SPAG16: variants seen among roughly 807,000 people sequenced by gnomAD.
SPAG16 encodes the protein sperm associated antigen 16, also known as sperm-associated antigen 16 protein.
SPAG16 carries 86 observed loss-of-function variants against 80.4 expected under a neutral mutation model. That is an observed-to-expected ratio of 1.07 (90% CI 0.90 to 1.28). The LOEUF is 1.28. Among genes scored for constraint, SPAG16 ranks in the 50% most tolerant of loss-of-function variants. SPAG16 has a pLI of 0.00. For synonymous variants in SPAG16, 294 were observed against 265.9 expected, an observed-to-expected ratio of 1.11 and a Z score of -1.03; for missense variants, 870 against 765.3, an observed-to-expected ratio of 1.14 and a Z score of -1.61.
chr2:213,503,926 G>A (rs2074856998), intron 10 of SPAG16, among the ~76,000 whole-genome samples: 1 of 152,166 alleles, frequency 6.6e-6, no homozygotes, highest in African/African-American at 2.4e-5. Flanking sequence ...TAGTGAACTA[G>A]TACTCTAAAA....
chr2:213,439,283 G>C (rs1575591910), intron 9 of SPAG16, among the ~76,000 whole-genome samples: 2 of 145,240 alleles, frequency 1.4e-5, no homozygotes, highest in Non-Finnish European at 3.0e-5. Flanking sequence ...ATCTTAAAAA[G>C]GGGAGCGGCT....
At chr2:214,148,141 C>T (rs1415948541) in intron 14 of SPAG16, among the ~76,000 whole-genome samples, 1 of 152,132 alleles carries the variant, frequency 6.6e-6, no homozygotes, top group Non-Finnish European at 1.5e-5. Flanking sequence ...GTGGCCAATA[C>T]TCATTCAATT....
intron 12 of SPAG16, among the ~76,000 whole-genome samples, chr2:213,977,850 G>A (rs2106403473): frequency 6.6e-6 from 1 of 151,976 alleles, no homozygotes; most frequent in African/African-American, 2.4e-5. Context: ...GATCTTCTGT[G>A]GATCTTGTTA....
intron 7 of SPAG16, among the ~76,000 whole-genome samples, chr2:213,358,955 C>T (rs1020629431): frequency 2.6e-5 from 4 of 152,064 alleles, no homozygotes; most frequent in African/African-American, 9.7e-5. Context: ...TGTGGGTGTC[C>T]TTTTTTTGAA....
intron 10 of SPAG16, among the ~76,000 whole-genome samples, chr2:213,652,277 A>G (rs1236572437): frequency 6.6e-6 from 1 of 152,096 alleles, no homozygotes; most frequent in Non-Finnish European, 1.5e-5. Flanking sequence ...CATATGGTAT[A>G]TACTAGGGGA....
chr2:213,653,162 C>A (rs1223339626), intron 10 of SPAG16, among the ~76,000 whole-genome samples: 1 of 152,146 alleles, frequency 6.6e-6, no homozygotes, highest in African/African-American at 2.4e-5. Context: ...AAACACCATT[C>A]TAAATTTCTG....
At chr2:214,388,003 A>G (rs1318769936) in intron 15 of SPAG16, among the ~76,000 whole-genome samples, 1 of 152,114 alleles carries the variant, frequency 6.6e-6, no homozygotes, top group African/African-American at 2.4e-5. Context: ...AATACCTACT[A>G]TTGCTATATT....
chr2:213,966,682 A>G (rs1047930487), intron 12 of SPAG16, among the ~76,000 whole-genome samples: 1 of 152,206 alleles, frequency 6.6e-6, no homozygotes, highest in African/African-American at 2.4e-5. Flanking sequence ...AATTAGAGCA[A>G]TAATCCTTAT....
intron 15 of SPAG16, among the ~76,000 whole-genome samples, chr2:214,178,965 G>A (rs955610143): frequency 4.0e-5 from 6 of 151,130 alleles, no homozygotes; most frequent in South Asian, 4.1e-4. Context: ...TTCTTTTGAC[G>A]TATGAACATT....
chr2:214,357,472 C>A (rs191239860), intron 15 of SPAG16, among the ~76,000 whole-genome samples: 65 of 151,932 alleles, frequency 4.3e-4, no homozygotes, highest in African/African-American at 1.5e-3. Context: ...TTAGCTATGT[C>A]TAATCTGCTC....
intron 8 of SPAG16, among the ~76,000 whole-genome samples, chr2:213,369,384 A>G (rs762075369): frequency 3.3e-5 from 5 of 152,236 alleles, no homozygotes; most frequent in Non-Finnish European, 5.9e-5. Flanking sequence ...TTATGGTGTC[A>G]TAAGGTAATG....
In SPAG16 at chr2:214,332,252, A is replaced by C. The variant is rs572362194; in HGVS notation, c.1721-77888A>C. ...GGTCAACAGAGTGAGACTCTGCCTC[A>C]CAAAAAAACAAACAAAAAAACCATT... On this transcript the variant is annotated intron_variant, in intron 15 of 15. Coordinates refer to ENST00000331683, the MANE Select transcript of SPAG16 (RefSeq NM_024532.5). Among the ~76,000 whole-genome samples the C allele has an allele frequency of 3.4e-4, 52 of 152,362 alleles. No homozygotes were observed. The South Asian group carries it at 0.01, about 30-fold the overall frequency.
At chr2:214,150,285 A>C (rs1403032306) in intron 15 of SPAG16, among the ~76,000 whole-genome samples, 1 of 152,066 alleles carries the variant, frequency 6.6e-6, no homozygotes, top group African/African-American at 2.4e-5. Flanking sequence ...AAATTTAGAA[A>C]ATGGTAAGTT....
At position 214,351,193 on chromosome 2, in the gene SPAG16, A is replaced by G. The variant is rs34935044; in HGVS notation, c.1721-58947A>G. Reference sequence around the variant, plus strand: ...AAGGGCTGAAAAAATATTAATGCAGAAAGCAAATTTGAAATTACTAAAAGA... The same window carrying G: ...AAGGGCTGAAAAAATATTAATGCAGGAAGCAAATTTGAAATTACTAAAAGA... On this transcript the variant is annotated intron_variant, in intron 15 of 15. Coordinates refer to ENST00000331683, the MANE Select transcript of SPAG16 (RefSeq NM_024532.5). Among the ~76,000 whole-genome samples, 529 of 152,328 alleles carry G rather than the reference A, an allele frequency of 3.5e-3. 2 individuals carry two copies. Among genetic ancestry groups the G allele is most frequent in the Non-Finnish European group, 6.0e-3 (411 of 68,020 alleles).
intron 10 of SPAG16, among the ~76,000 whole-genome samples, chr2:213,732,987 CCCA>C (rs2067118865): frequency 6.6e-6 from 1 of 152,178 alleles, no homozygotes; most frequent in Admixed American, 6.5e-5. Context: ...AATTTACACT[CCCA>C]CCAACAGTGT....
intron 15 of SPAG16, among the ~76,000 whole-genome samples, chr2:214,343,751 G>C (rs1210111599): frequency 6.6e-6 from 1 of 152,046 alleles, no homozygotes; most frequent in East Asian, 1.9e-4. Flanking sequence ...TTAACTTTCA[G>C]ACTTCAAATA....
intron 9 of SPAG16, among the ~76,000 whole-genome samples, chr2:213,433,182 C>G (rs1178916791): frequency 6.6e-6 from 1 of 152,116 alleles, no homozygotes; most frequent in East Asian, 1.9e-4. Context: ...AGCAATCCCT[C>G]TAAGAACTAG....
At chr2:213,851,846 C>G (rs1169265188) in intron 10 of SPAG16, among the ~76,000 whole-genome samples, 2 of 152,182 alleles carry the variant, frequency 1.3e-5, no homozygotes, top group Admixed American at 6.6e-5. Flanking sequence ...GAATGCTCCA[C>G]TCTAGTAAAA....
chr2:213,951,308 A>T (rs1476358188), intron 12 of SPAG16, among the ~76,000 whole-genome samples: 1 of 152,196 alleles, frequency 6.6e-6, no homozygotes, highest in Non-Finnish European at 1.5e-5. Context: ...ATGATACAAA[A>T]TAAACATTCA....
Sources: gnomAD v4.1 joint callset for allele counts (sites outside exome capture counted in the v4.1 genomes callset) on GRCh38, gnomAD v4.1.1 for gene constraint, MANE v1.5 for transcripts, NCBI Gene and HGNC (gene_info 2026-07-23, HGNC 2026-07-21) for gene names.